SSBP2: variants seen among roughly 807,000 people sequenced by gnomAD.
The protein encoded by SSBP2 is single stranded DNA binding protein 2, also known as single-stranded DNA-binding protein 2.
A neutral mutation model predicts 61.8 loss-of-function variants in SSBP2; 17 were observed. The ratio of observed to expected loss-of-function variants is 0.28; its 90% CI spans 0.19 to 0.41. SSBP2 has a LOEUF of 0.41. Ranked by LOEUF, SSBP2 falls within the 10% of genes least tolerant of loss-of-function variation. The pLI is 1.00. For missense variants in SSBP2, 310 were observed against 458.7 expected (o/e 0.68, Z 2.96); for synonymous variants, 139 against 141.3 (o/e 0.98, Z 0.12).
At chr5:81,708,541 C>T (rs934098419) in intron 1 of SSBP2, among the ~76,000 whole-genome samples, 1 of 151,916 alleles carries the variant, frequency 6.6e-6, no homozygotes, top group Non-Finnish European at 1.5e-5. Flanking sequence ...TTTTTTAAAG[C>T]AGGCTTAAAC....
At chr5:81,463,956 A>T (rs1423214262) in intron 9 of SSBP2, among the ~76,000 whole-genome samples, 1 of 151,720 alleles carries the variant, frequency 6.6e-6, no homozygotes, top group East Asian at 1.9e-4. Context: ...TTTAGTTTAG[A>T]TGGGGTCTCC....
intron 6 of SSBP2, among the ~76,000 whole-genome samples, chr5:81,484,334 CT>C (rs1215484457): frequency 6.6e-6 from 1 of 151,992 alleles, no homozygotes; most frequent in Non-Finnish European, 1.5e-5. Flanking sequence ...TATCAAAAAC[CT>C]TCATAAAACT....
At chr5:81,664,494 T>C (rs1020426439) in intron 1 of SSBP2, among the ~76,000 whole-genome samples, 4 of 152,324 alleles carry the variant, frequency 2.6e-5, no homozygotes, top group Middle Eastern at 6.8e-3. Flanking sequence ...TATTTTTGAA[T>C]GCATTAATGA....
At chr5:81,712,998 G>T (rs1344564129) in intron 1 of SSBP2, among the ~76,000 whole-genome samples, 1 of 152,000 alleles carries the variant, frequency 6.6e-6, no homozygotes, top group Non-Finnish European at 1.5e-5. Context: ...AAATTACTGG[G>T]ATTACAGGGG....
At chr5:81,657,092 G>T (rs1187350327) in intron 1 of SSBP2, among the ~76,000 whole-genome samples, 5 of 152,136 alleles carry the variant, frequency 3.3e-5, no homozygotes, top group Admixed American at 2.0e-4. Flanking sequence ...ATAAGAGGGA[G>T]AATTTTTTAC....
intron 1 of SSBP2, among the ~76,000 whole-genome samples, chr5:81,651,394 AAGAG>A (rs1190090342): frequency 6.6e-6 from 1 of 152,190 alleles, no homozygotes; most frequent in Non-Finnish European, 1.5e-5. Context: ...CTGTCATGAA[AAGAG>A]AAAGCTTGTA....
intron 1 of SSBP2, among the ~76,000 whole-genome samples, chr5:81,735,933 A>C (rs1756573056): frequency 6.6e-6 from 1 of 152,282 alleles, no homozygotes; most frequent in East Asian, 1.9e-4. Flanking sequence ...GTGTTTTATT[A>C]CACCTGGGTA....
intron 15 of SSBP2, among the ~76,000 whole-genome samples, chr5:81,436,292 A>G (rs6896772): frequency 0.05 from 7,617 of 151,952 alleles, 349 homozygotes; most frequent in African/African-American, 0.12. Flanking sequence ...TTACATAGGC[A>G]ATTTTGTTTT....
intron 4 of SSBP2, among the ~76,000 whole-genome samples, chr5:81,547,036 CAAAAA>C (rs61254614): frequency 1.9e-4 from 10 of 53,868 alleles, no homozygotes; most frequent in South Asian, 1.5e-3. Flanking sequence ...AAATCTTGGC[CAAAAA>C]AAAAAAAAAA....
chr5:81,652,507 T>C lies in SSBP2; in HGVS notation c.63-2168A>G, dbSNP rs996320613. 2.6e-5 allele frequency among the ~76,000 whole-genome samples: 4 copies of C among 152,300 alleles called. No individual in the cohort carries two copies. The South Asian group carries it at 8.3e-4, about 32-fold the overall frequency. On this transcript the variant is annotated intron_variant, in intron 1 of 16. Transcript: ENST00000320672. ...TTCTAAGGGTGTGAGCCCATCCTCC[T>C]ACCATTAGAATCTGCTGTGGCAGCT...
chr5:81,588,018 GC>G (rs1775204641), intron 4 of SSBP2, among the ~76,000 whole-genome samples: 1 of 152,128 alleles, frequency 6.6e-6, no homozygotes, highest in Non-Finnish European at 1.5e-5. Context: ...AGGCTGGAGT[GC>G]AGTGGCACAA....
chr5:81,691,345 A>C (rs1276196016), intron 1 of SSBP2, among the ~76,000 whole-genome samples: 2 of 152,090 alleles, frequency 1.3e-5, no homozygotes, highest in Non-Finnish European at 2.9e-5. Flanking sequence ...GAGAAGACCC[A>C]AATAAATGAA....
intron 1 of SSBP2, among the ~76,000 whole-genome samples, chr5:81,731,372 A>G (rs1335321117): frequency 6.6e-6 from 1 of 152,190 alleles, no homozygotes; most frequent in Non-Finnish European, 1.5e-5. Flanking sequence ...ATTGCCCTCA[A>G]AAAGCAATCA....
At chr5:81,523,662 T>A (rs1203473057) in intron 4 of SSBP2, among the ~76,000 whole-genome samples, 2 of 152,058 alleles carry the variant, frequency 1.3e-5, no homozygotes, top group African/African-American at 2.4e-5. Flanking sequence ...CAAGAAGCAT[T>A]TATTGTCTTC....
chr5:81,699,624 C>T (rs1207751422), intron 1 of SSBP2, among the ~76,000 whole-genome samples: 1 of 152,172 alleles, frequency 6.6e-6, no homozygotes, highest in Non-Finnish European at 1.5e-5. Context: ...ACCACATCTG[C>T]AGTGACTTCC....
At chr5:81,593,725 CA>C (rs1743382942) in intron 4 of SSBP2, among the ~76,000 whole-genome samples, 1 of 152,192 alleles carries the variant, frequency 6.6e-6, no homozygotes, top group Admixed American at 6.5e-5. Context: ...TCCAGAATCT[CA>C]TATCCAGCCA....
intron 4 of SSBP2, among the ~76,000 whole-genome samples, chr5:81,612,784 T>C (rs1745581140): frequency 6.6e-6 from 1 of 152,052 alleles, no homozygotes; most frequent in Admixed American, 6.6e-5. Flanking sequence ...TAAAATTCAG[T>C]AGGTAAACAT....
At chr5:81,539,688 C>T (rs1362418193) in intron 4 of SSBP2, among the ~76,000 whole-genome samples, 2 of 152,272 alleles carry the variant, frequency 1.3e-5, no homozygotes, top group East Asian at 1.9e-4. Context: ...CAAGACCTTC[C>T]AACAGCAAAA....
chr5:81,524,687 C>A lies in SSBP2; in HGVS notation c.283-10970G>T, dbSNP rs145333065. On this transcript the variant is annotated intron_variant, in intron 4 of 16. Coordinates refer to ENST00000320672, the MANE Select transcript of SSBP2 (RefSeq NM_012446.5). ...GGTTAAAAATAAATTCCATGTTTTA[C>A]AAAGCTAAGTGTTGTGGTTCCCCTG... 5.6e-3 allele frequency among the ~76,000 whole-genome samples: 859 copies of A among 152,138 alleles called. 8 individuals carry two copies. The highest frequency in any genetic ancestry group is 0.02 in the African/African-American group (812 of 41,534).
Sources: gnomAD v4.1 joint callset for allele counts (sites outside exome capture counted in the v4.1 genomes callset) on GRCh38, gnomAD v4.1.1 for gene constraint, MANE v1.5 for transcripts, NCBI Gene and HGNC (gene_info 2026-07-23, HGNC 2026-07-21) for gene names.